Variants in NBEA observed in about 807,000 individuals in gnomAD.
NBEA encodes the protein neurobeachin, also known as lysosomal-trafficking regulator 2.
In NBEA, 44 loss-of-function variants were observed where a neutral mutation model predicts 343.4. That is an observed-to-expected ratio of 0.13 (90% CI 0.10 to 0.16). NBEA has a LOEUF of 0.16. Among genes scored for constraint, NBEA ranks in the 10% least tolerant of loss-of-function variants. The pLI is 1.00. For missense variants in NBEA, 2,555 were observed against 3,631.3 expected, an observed-to-expected ratio of 0.70 and a Z score of 7.62; for synonymous variants, 1,175 against 1,238.7, an observed-to-expected ratio of 0.95 and a Z score of 1.08.
At chr13:35,023,859 C>T (rs892232780) in intron 1 of NBEA, among the ~76,000 whole-genome samples, 12 of 152,006 alleles carry the variant, frequency 7.9e-5, no homozygotes, top group East Asian at 3.9e-4. Flanking sequence ...GGGGTGCATG[C>T]GCAGGTTTGT....
At chr13:35,512,804 C>G (rs1181566381) in intron 41 of NBEA, among the ~76,000 whole-genome samples, 1 of 152,216 alleles carries the variant, frequency 6.6e-6, no homozygotes, top group Non-Finnish European at 1.5e-5. Flanking sequence ...GTCGTTGATT[C>G]AGCCTAGAGG....
intron 37 of NBEA, among the ~76,000 whole-genome samples, chr13:35,349,489 A>T (rs1022239794): frequency 6.6e-6 from 1 of 152,260 alleles, no homozygotes; most frequent in Non-Finnish European, 1.5e-5. Flanking sequence ...TGCAAAAAAT[A>T]ATTTATAATG....
chr13:35,023,521 A>G (rs1776428200), intron 1 of NBEA, among the ~76,000 whole-genome samples: 1 of 152,174 alleles, frequency 6.6e-6, no homozygotes, highest in Admixed American at 6.6e-5. Flanking sequence ...GGAGGGTAGT[A>G]TTAATTTTGA....
At chr13:35,105,183 G>A (rs1220405866) in intron 11 of NBEA, among the ~76,000 whole-genome samples, 4 of 152,074 alleles carry the variant, frequency 2.6e-5, no homozygotes, top group Admixed American at 2.0e-4. Flanking sequence ...TACTGAAGGG[G>A]TAAAATCTGG....
chr13:35,576,129 T>C (rs1322021345), intron 45 of NBEA, among the ~76,000 whole-genome samples: 1 of 151,900 alleles, frequency 6.6e-6, no homozygotes, highest in Non-Finnish European at 1.5e-5. Context: ...TTGGTTTTTT[T>C]TTTTTGAGAC....
chr13:35,438,821 G>A (rs2152935268), intron 39 of NBEA, among the ~76,000 whole-genome samples: 1 of 152,194 alleles, frequency 6.6e-6, no homozygotes, highest in East Asian at 1.9e-4. Context: ...ATTTCAATGG[G>A]TTATATAAAG....
chr13:35,512,643 A>G (rs2077319772), intron 41 of NBEA, among the ~76,000 whole-genome samples: 1 of 152,170 alleles, frequency 6.6e-6, no homozygotes, highest in South Asian at 2.1e-4. Context: ...GCCTCTCAGT[A>G]CATTGTGATA....
At chr13:35,241,889 C>G (rs957084306) in intron 34 of NBEA, among the ~76,000 whole-genome samples, 2 of 151,810 alleles carry the variant, frequency 1.3e-5, no homozygotes, top group African/African-American at 4.8e-5. Flanking sequence ...TTGCTCAGTT[C>G]CCAATTACTC....
chr13:35,554,739 G>C (rs1462651478), intron 43 of NBEA, among the ~76,000 whole-genome samples: 1 of 152,118 alleles, frequency 6.6e-6, no homozygotes, highest in Non-Finnish European at 1.5e-5. Context: ...CTCATTTGCA[G>C]CTGTGATTTG....
chr13:35,588,701 T>C (rs369176530), intron 46 of NBEA, among the ~76,000 whole-genome samples: 3 of 152,158 alleles, frequency 2.0e-5, no homozygotes, highest in East Asian at 3.8e-4. Context: ...CAGATATTAA[T>C]ATTAAAAGAC....
chr13:35,551,011 G>A lies in NBEA; in HGVS notation c.6785G>A (p.Ser2262Asn). The A allele has an allele frequency of 6.2e-7, 1 of 1,600,612 alleles. No homozygotes were observed. Among genetic ancestry groups the A allele is most frequent in the Non-Finnish European group, 8.6e-7 (1 of 1,168,996 alleles). The change falls in exon 43 of 59, where the codon AGC becomes AAC. Residue 2262 changes from serine to asparagine, a missense_variant. This residue lies in a region of NBEA where 38 missense variants were observed against 97.2 expected (regional missense o/e 0.39). Transcript: ENST00000379939. ...YSLPRVGVGT[S>N]YGLPQARRIS... ...TTGCCTCGGGTTGGAGTAGGGACCA[G>A]CTATGGTCTGCCACAAGCCAGGTAA...
intron 38 of NBEA, among the ~76,000 whole-genome samples, chr13:35,354,715 T>C (rs548183864): frequency 1.3e-5 from 2 of 152,328 alleles, no homozygotes; most frequent in African/African-American, 4.8e-5. Flanking sequence ...GATTAACTAA[T>C]AGGGCTCAGT....
chr13:35,277,046 G>A (rs2034635586), intron 34 of NBEA, among the ~76,000 whole-genome samples: 1 of 152,134 alleles, frequency 6.6e-6, no homozygotes, highest in African/African-American at 2.4e-5. Context: ...AGCATCTGTG[G>A]CCCCAGGTGG....
At chr13:35,500,204 G>T (rs1858158573) in intron 41 of NBEA, among the ~76,000 whole-genome samples, 1 of 152,200 alleles carries the variant, frequency 6.6e-6, no homozygotes, top group South Asian at 2.1e-4. Flanking sequence ...GCTTCATTTT[G>T]CAAGAGCTTT....
intron 40 of NBEA, 25 bp downstream of exon 40, chr13:35,452,260 T>C (rs2046345356): frequency 3.3e-6 from 5 of 1,526,570 alleles, no homozygotes; most frequent in Non-Finnish European, 4.4e-6. Flanking sequence ...ATATTTTTCC[T>C]ATTTGTTGTA....
At chr13:35,352,392 G>A in intron 38 of NBEA, 69 bp downstream of exon 38, 2 of 835,988 alleles carry the variant, frequency 2.4e-6, no homozygotes, top group Non-Finnish European at 1.7e-6. Flanking sequence ...ATAAAAATAT[G>A]GCTACAAATT....
In NBEA at chr13:35,645,411, C is replaced by T. The variant is rs750273329; in HGVS notation, c.7618-458C>T. On this transcript the variant is annotated intron_variant, in intron 49 of 58. Coordinates refer to ENST00000379939, the MANE Select transcript of NBEA (RefSeq NM_001385012.1). ...TATTTTGCCTATAGAATTTATGTATCGAGGAAATACTTAAGTTTCTTTTAA... is the reference window on the plus strand; with the variant it reads ...TATTTTGCCTATAGAATTTATGTATTGAGGAAATACTTAAGTTTCTTTTAA... Among the ~76,000 whole-genome samples, 67 of 152,166 alleles carry T rather than the reference C, an allele frequency of 4.4e-4. 1 individual carries two copies. In the Middle Eastern group the frequency reaches 0.01, roughly 23 times the overall value.
intron 53 of NBEA, among the ~76,000 whole-genome samples, chr13:35,654,183 G>C (rs1397125186): frequency 6.6e-6 from 1 of 152,194 alleles, no homozygotes; most frequent in African/African-American, 2.4e-5. Context: ...CTGAGTTCCT[G>C]ACTTTATTCA....
chr13:35,589,994 T>G (rs1281881780), intron 46 of NBEA, among the ~76,000 whole-genome samples: 1 of 152,150 alleles, frequency 6.6e-6, no homozygotes, highest in Non-Finnish European at 1.5e-5. Flanking sequence ...ATGTATTCAT[T>G]TATACATCTT....
Sources: gnomAD v4.1 joint callset for allele counts (sites outside exome capture counted in the v4.1 genomes callset) on GRCh38, gnomAD v4.1.1 for gene constraint, gnomAD v4.1.1 regional missense constraint, MANE v1.5 for transcripts, NCBI Gene and HGNC (gene_info 2026-07-23, HGNC 2026-07-21) for gene names.